XRCC4: variants seen among roughly 807,000 people sequenced by gnomAD.
XRCC4 encodes the protein X-ray repair cross complementing 4.
Under a neutral mutation model 39.1 loss-of-function variants are expected in XRCC4, and 28 were observed. The ratio of observed to expected loss-of-function variants is 0.72; its 90% CI spans 0.53 to 0.98. The LOEUF is 0.98. Among genes scored for constraint, XRCC4 ranks in the 50% least tolerant of loss-of-function variants. The pLI is 0.00. For synonymous variants in XRCC4, 123 were observed against 126.4 expected, an observed-to-expected ratio of 0.97 and a Z score of 0.18; for missense variants, 350 against 376.4, an observed-to-expected ratio of 0.93 and a Z score of 0.58.
chr5:83,233,128 A>C (rs568777067), intron 6 of XRCC4, among the ~76,000 whole-genome samples: 1 of 152,218 alleles, frequency 6.6e-6, no homozygotes, highest in Non-Finnish European at 1.5e-5. Context: ...TAAGTTGTCA[A>C]TTATCATACT....
chr5:83,100,590 G>A (rs1220999995), intron 1 of XRCC4, among the ~76,000 whole-genome samples: 2 of 151,954 alleles, frequency 1.3e-5, no homozygotes. Flanking sequence ...CAATAGCCAT[G>A]GTTCTTAAGG....
chr5:83,356,801 G>T (rs1757194795), downstream of XRCC4: 2 of 446,374 alleles, frequency 4.5e-6, no homozygotes, highest in South Asian at 3.2e-5. Flanking sequence ...TGGCTTTTTT[G>T]ACCTTATCAT....
intron 7 of XRCC4, among the ~76,000 whole-genome samples, chr5:83,306,350 G>A (rs978259730): frequency 7.2e-5 from 11 of 152,058 alleles, no homozygotes; most frequent in African/African-American, 2.7e-4. Context: ...TCATTTGTAT[G>A]TTCATCTCAC....
At chr5:83,294,522 G>A (rs1004846615) in intron 7 of XRCC4, among the ~76,000 whole-genome samples, 34 of 151,996 alleles carry the variant, frequency 2.2e-4, no homozygotes, top group Admixed American at 9.2e-4. Context: ...TAGGAGCATT[G>A]GATAGCTATG....
intron 3 of XRCC4, among the ~76,000 whole-genome samples, chr5:83,192,183 CATAT>C (rs1198593353): frequency 6.7e-6 from 1 of 148,506 alleles, no homozygotes; most frequent in Admixed American, 6.8e-5. Flanking sequence ...CGTATACATA[CATAT>C]ATATGTATGT....
intron 7 of XRCC4, among the ~76,000 whole-genome samples, chr5:83,291,554 A>G (rs1411552796): frequency 6.6e-6 from 1 of 151,918 alleles, no homozygotes; most frequent in African/African-American, 2.4e-5. Context: ...AGATGCTTAC[A>G]TAGAATAGCT....
At chr5:83,179,272 A>C (rs1680095932) in intron 3 of XRCC4, among the ~76,000 whole-genome samples, 2 of 152,218 alleles carry the variant, frequency 1.3e-5, no homozygotes, top group South Asian at 4.1e-4. Flanking sequence ...GGATCCCTAA[A>C]GAGTCAGAGC....
intron 6 of XRCC4, among the ~76,000 whole-genome samples, chr5:83,232,264 C>T (rs896116748): frequency 7.2e-5 from 11 of 152,000 alleles, no homozygotes; most frequent in Non-Finnish European, 1.5e-4. Flanking sequence ...TCCACAAAGC[C>T]ACCCTTTTAG....
intron 5 of XRCC4, among the ~76,000 whole-genome samples, chr5:83,204,378 C>T (rs1262507286): frequency 6.6e-6 from 1 of 151,956 alleles, no homozygotes; most frequent in African/African-American, 2.4e-5. Context: ...GCAGTCATAC[C>T]TATTAGTTTA....
intron 3 of XRCC4, among the ~76,000 whole-genome samples, chr5:83,146,564 ATAT>A (rs1748462834): frequency 6.6e-6 from 1 of 152,222 alleles, no homozygotes; most frequent in Admixed American, 6.5e-5. Context: ...AAGAAATCAT[ATAT>A]TATTCATTTT....
intron 3 of XRCC4, among the ~76,000 whole-genome samples, chr5:83,150,805 T>A (rs955099691): frequency 1.3e-5 from 2 of 152,156 alleles, no homozygotes; most frequent in African/African-American, 4.8e-5. Flanking sequence ...ACCTCCATGA[T>A]AAAGATAAAT....
chr5:83,197,497 A>T (rs1580358211), intron 4 of XRCC4, among the ~76,000 whole-genome samples: 1 of 152,244 alleles, frequency 6.6e-6, no homozygotes, highest in South Asian at 2.1e-4. Context: ...AGGTTGAAAG[A>T]GGTATTATCT....
intron 7 of XRCC4, among the ~76,000 whole-genome samples, chr5:83,323,178 C>CA (rs1186697866): frequency 6.6e-6 from 1 of 151,090 alleles, no homozygotes; most frequent in African/African-American, 2.4e-5. Flanking sequence ...ATGCAGAAAC[C>CA]AAAAAAATAT....
chr5:83,340,663 C>T (rs967293075), intron 7 of XRCC4, among the ~76,000 whole-genome samples: 2 of 151,160 alleles, frequency 1.3e-5, no homozygotes, highest in Admixed American at 1.3e-4. Context: ...CCACTAGTGC[C>T]TCCAGAGAAG....
intron 6 of XRCC4, among the ~76,000 whole-genome samples, chr5:83,235,193 G>C (rs1752638578): frequency 6.6e-6 from 1 of 151,430 alleles, no homozygotes; most frequent in African/African-American, 2.4e-5. Flanking sequence ...AAATTAGCTG[G>C]GCATGGTGGC....
intron 3 of XRCC4, among the ~76,000 whole-genome samples, chr5:83,126,529 C>T (rs1460817972): frequency 6.6e-6 from 1 of 152,118 alleles, no homozygotes; most frequent in African/African-American, 2.4e-5. Context: ...AAGGCCCAGG[C>T]AGAGACTTGC....
chr5:83,149,128 T>C (rs1191127764), intron 3 of XRCC4, among the ~76,000 whole-genome samples: 1 of 152,208 alleles, frequency 6.6e-6, no homozygotes. Context: ...TATTGATTTA[T>C]ATTTTCATTT....
At position 83,132,577 on chromosome 5, in the gene XRCC4, T is replaced by G. The variant is rs1009359676; in HGVS notation, c.315+21374T>G. Among the ~76,000 whole-genome samples, 54 of 152,122 alleles carry G rather than the reference T, an allele frequency of 3.5e-4. 1 individual carries two copies. The highest frequency in any genetic ancestry group is 3.2e-3 in the Middle Eastern group (1 of 316). ...CCATATTTCTCGGAGGCTTTGTTCA[T>G]TTCTTTTTACTCTTTTTTCTCTAAA... is the stretch of plus-strand genomic sequence containing the variant. On this transcript the variant is annotated intron_variant, in intron 3 of 7. Coordinates refer to ENST00000396027, the MANE Select transcript of XRCC4 (RefSeq NM_003401.5).
intron 6 of XRCC4, among the ~76,000 whole-genome samples, chr5:83,234,014 T>C (rs1261310446): frequency 6.6e-6 from 1 of 151,906 alleles, no homozygotes; most frequent in African/African-American, 2.4e-5. Context: ...GTTCTACCAA[T>C]ACCTTTGCTC....
Sources: allele counts gnomAD v4.1 joint callset (sites outside exome capture counted in the v4.1 genomes callset), GRCh38; gene constraint gnomAD v4.1.1; transcripts MANE v1.5; gene names NCBI Gene and HGNC (gene_info 2026-07-23, HGNC 2026-07-21).